PRKG1: variants seen among roughly 807,000 people sequenced by gnomAD.
PRKG1 encodes cGMP-dependent protein kinase 1.
A neutral mutation model predicts 88.1 loss-of-function variants in PRKG1; 35 were observed. The observed-to-expected ratio is 0.40, with a 90% CI of 0.30 to 0.53. The LOEUF is 0.53. PRKG1 is among the 20% of genes least tolerant of loss of function. The probability of loss-of-function intolerance (pLI) is 0.59; values close to 1 mark genes in which losing one functional copy is unlikely to be tolerated. For missense variants in PRKG1, 540 were observed against 839.8 expected, an observed-to-expected ratio of 0.64 and a Z score of 4.41; for synonymous variants, 303 against 292.5, an observed-to-expected ratio of 1.04 and a Z score of -0.37.
At chr10:51,848,851 A>ATT (rs752886518) in intron 4 of PRKG1, among the ~76,000 whole-genome samples, 6 of 131,438 alleles carry the variant, frequency 4.6e-5, no homozygotes, top group South Asian at 4.9e-4. Context: ...TTGCGTTTCT[A>ATT]TTTTTTTTTT....
intron 5 of PRKG1, among the ~76,000 whole-genome samples, chr10:51,979,399 G>A (rs1261195350): frequency 1.1e-5 from 1 of 87,632 alleles, no homozygotes; most frequent in Non-Finnish European, 2.3e-5. Context: ...ATTCATCATG[G>A]ATATTGGTCT....
chr10:52,243,268 ATAACTT>A (rs1840913994), intron 9 of PRKG1, among the ~76,000 whole-genome samples: 1 of 152,214 alleles, frequency 6.6e-6, no homozygotes, highest in Middle Eastern at 3.2e-3. Context: ...AATATATTTT[ATAACTT>A]TTACATTTGC....
At chr10:51,015,369 A>G (rs1313809853) in intron 1 of PRKG1, among the ~76,000 whole-genome samples, 1 of 152,178 alleles carries the variant, frequency 6.6e-6, no homozygotes, top group Non-Finnish European at 1.5e-5. Context: ...ATCAAACGTT[A>G]TTTTCTTGTT....
intron 3 of PRKG1, among the ~76,000 whole-genome samples, chr10:51,567,898 C>T (rs1171234781): frequency 1.3e-5 from 2 of 152,022 alleles, no homozygotes; most frequent in Non-Finnish European, 2.9e-5. Flanking sequence ...TAAAGCATTT[C>T]ATTTGAAGTT....
rs566756483 is a variant in PRKG1, at chr10:51,523,919, A to C, written c.592+56083A>C. Among the ~76,000 whole-genome samples, 3 of 152,274 alleles carry C rather than the reference A, an allele frequency of 2.0e-5. No homozygotes were observed. In the South Asian group the frequency reaches 6.2e-4, roughly 32 times the overall value. On this transcript the variant is annotated intron_variant, in intron 3 of 17. Transcript: ENST00000373980. The stretch of plus-strand genomic sequence containing the variant: ...TATGCCCACCCAAATTTCGTAACCA[A>C]GTATAATCCCCAAAGCTGGAGATGG...
At chr10:52,039,020 C>T (rs937156609) in intron 5 of PRKG1, among the ~76,000 whole-genome samples, 10 of 152,044 alleles carry the variant, frequency 6.6e-5, no homozygotes, top group Non-Finnish European at 8.8e-5. Flanking sequence ...GACCTGAGGT[C>T]GTAGGTGGAT....
intron 3 of PRKG1, among the ~76,000 whole-genome samples, chr10:51,581,635 G>A (rs879827451): frequency 5.9e-5 from 9 of 152,104 alleles, no homozygotes; most frequent in East Asian, 1.9e-4. Context: ...CACGTCACGC[G>A]CTGCTGGCTC....
At chr10:51,912,507 C>T (rs1407858548) in intron 5 of PRKG1, among the ~76,000 whole-genome samples, 4 of 152,096 alleles carry the variant, frequency 2.6e-5, no homozygotes, top group Non-Finnish European at 5.9e-5. Flanking sequence ...TTCTTATTGA[C>T]TATTCATTCT....
At position 52,153,838 on chromosome 10, in the gene PRKG1, C is replaced by T. The variant is rs557264684; in HGVS notation, c.1002-8051C>T. Among the ~76,000 whole-genome samples, 872 of 152,152 alleles carry T rather than the reference C, an allele frequency of 5.7e-3. 1 individual carries two copies. The highest frequency in any genetic ancestry group is 0.012 in the South Asian group (56 of 4,808). ...TCGGCTCACTGCAACCTCCGCCTCCCGGGTTCAAGTGATTCTCCTGCCTCA... is the reference window on the plus strand; with the variant it reads ...TCGGCTCACTGCAACCTCCGCCTCCTGGGTTCAAGTGATTCTCCTGCCTCA... On this transcript the variant is annotated intron_variant, in intron 8 of 17. Coordinates refer to ENST00000373980, the MANE Select transcript of PRKG1 (RefSeq NM_006258.4).
intron 7 of PRKG1, among the ~76,000 whole-genome samples, chr10:52,122,304 T>C (rs1053788819): frequency 6.6e-5 from 10 of 152,238 alleles, no homozygotes; most frequent in African/African-American, 2.2e-4. Flanking sequence ...AAAGCCCTAA[T>C]TGACCTAATT....
chr10:51,394,021 G>A (rs1229291145), intron 2 of PRKG1, among the ~76,000 whole-genome samples: 1 of 152,130 alleles, frequency 6.6e-6, no homozygotes, highest in Non-Finnish European at 1.5e-5. Context: ...TGACCTCTGA[G>A]GGGCCCAGGA....
At chr10:52,167,613 C>T (rs1240479597) in intron 9 of PRKG1, among the ~76,000 whole-genome samples, 2 of 144,342 alleles carry the variant, frequency 1.4e-5, no homozygotes, top group Non-Finnish European at 3.1e-5. Context: ...GGTGAGATCT[C>T]AATTACCTTT....
chr10:51,701,664 T>C (rs1462841190), intron 3 of PRKG1, among the ~76,000 whole-genome samples: 1 of 152,238 alleles, frequency 6.6e-6, no homozygotes, highest in Non-Finnish European at 1.5e-5. Flanking sequence ...AGAGAAGGCA[T>C]ACCTTTTTTA....
chr10:51,214,167 A>C (rs1838309639), intron 2 of PRKG1, among the ~76,000 whole-genome samples: 1 of 152,184 alleles, frequency 6.6e-6, no homozygotes. Flanking sequence ...GATATACAAT[A>C]GGTGATATTA....
At chr10:51,285,868 A>G (rs1840426890) in intron 2 of PRKG1, among the ~76,000 whole-genome samples, 1 of 152,250 alleles carries the variant, frequency 6.6e-6, no homozygotes, top group South Asian at 2.1e-4. Context: ...CAAATGAAGC[A>G]GGTGCAGCCG....
At chr10:51,422,206 G>A (rs1564488066) in intron 2 of PRKG1, among the ~76,000 whole-genome samples, 1 of 152,172 alleles carries the variant, frequency 6.6e-6, no homozygotes, top group East Asian at 1.9e-4. Context: ...TGTGCTTGAT[G>A]TTCAGGCATG....
At chr10:51,998,944 G>A (rs373449527) in intron 5 of PRKG1, among the ~76,000 whole-genome samples, 66 of 152,144 alleles carry the variant, frequency 4.3e-4, no homozygotes, top group African/African-American at 1.5e-3. Context: ...AAAGCCTAAG[G>A]GTGTATGTGC....
chr10:52,002,866 T>A (rs1446462960), intron 5 of PRKG1, among the ~76,000 whole-genome samples: 3 of 152,180 alleles, frequency 2.0e-5, no homozygotes, highest in Non-Finnish European at 4.4e-5. Flanking sequence ...AGTGTACCAA[T>A]TAAAATATTT....
intron 2 of PRKG1, among the ~76,000 whole-genome samples, chr10:51,397,089 T>A (rs987853869): frequency 1.4e-4 from 21 of 151,948 alleles, no homozygotes; most frequent in South Asian, 6.2e-4. Context: ...TGATTTTTTT[T>A]AAATATTTAA....
Sources: gnomAD v4.1 joint callset for allele counts (sites outside exome capture counted in the v4.1 genomes callset) on GRCh38, gnomAD v4.1.1 for gene constraint, MANE v1.5 for transcripts, NCBI Gene and HGNC (gene_info 2026-07-23, HGNC 2026-07-21) for gene names.